DSCAM: variants seen among roughly 807,000 people sequenced by gnomAD.
DSCAM encodes the protein cell adhesion molecule DSCAM.
Under a neutral mutation model 217.7 loss-of-function variants are expected in DSCAM, and 47 were observed. The ratio of observed to expected loss-of-function variants is 0.22; its 90% CI spans 0.17 to 0.28. The LOEUF (loss-of-function observed/expected upper bound fraction) is 0.28. Ranked by LOEUF, DSCAM falls within the 10% of genes least tolerant of loss-of-function variation. The probability of loss-of-function intolerance (pLI) is 1.00; values close to 1 mark genes in which losing one functional copy is unlikely to be tolerated. For missense variants in DSCAM, 2,080 were observed against 2,618.3 expected, an observed-to-expected ratio of 0.79 and a Z score of 4.49; for synonymous variants, 1,056 against 1,015.3, an observed-to-expected ratio of 1.04 and a Z score of -0.76.
chr21:40,124,058 G>A (rs1224330922), intron 20 of DSCAM, 137 bp downstream of exon 20: 6 of 1,165,686 alleles, frequency 5.1e-6, no homozygotes, highest in Non-Finnish European at 7.4e-6. Flanking sequence ...TTTGTATGTG[G>A]AGACAGCAGG....
chr21:40,493,687 C>T (rs1381511155), intron 3 of DSCAM, among the ~76,000 whole-genome samples: 1 of 151,400 alleles, frequency 6.6e-6, no homozygotes, highest in Non-Finnish European at 1.5e-5. Context: ...CATGGTGAAA[C>T]CCTGTTTCTA....
chr21:40,724,920 C>T (rs957087784), intron 1 of DSCAM, among the ~76,000 whole-genome samples: 5 of 152,192 alleles, frequency 3.3e-5, no homozygotes, highest in African/African-American at 1.2e-4. Context: ...TAATTTCTTT[C>T]TTCATGTAAC....
At chr21:40,416,029 T>C (rs73902606) in intron 3 of DSCAM, among the ~76,000 whole-genome samples, 1,629 of 152,312 alleles carry the variant, frequency 0.011, 28 homozygotes, top group African/African-American at 0.036. Flanking sequence ...CAATCTAGAC[T>C]TCATCAGTTT....
intron 15 of DSCAM, among the ~76,000 whole-genome samples, chr21:40,168,343 A>G (rs1162838143): frequency 6.6e-6 from 1 of 152,222 alleles, no homozygotes; most frequent in African/African-American, 2.4e-5. Context: ...TACTAGGTAC[A>G]TGGTGTAGAA....
In DSCAM at chr21:40,530,588, T is replaced by C. The variant is rs546427848; in HGVS notation, c.509-161343A>G. Among the ~76,000 whole-genome samples, 131 of 152,348 alleles carry C rather than the reference T, an allele frequency of 8.6e-4. 2 individuals carry two copies. The Middle Eastern group carries it at 0.01, about 12-fold the overall frequency. On this transcript the variant is annotated intron_variant, in intron 3 of 32. Coordinates refer to ENST00000400454, the MANE Select transcript of DSCAM (RefSeq NM_001389.5). Reference sequence around the variant, plus strand: ...ACAAATAACCTAAAATAAGTTCTATTTGACATTAAAATGCTCTAAGAAAAT... The same window carrying C: ...ACAAATAACCTAAAATAAGTTCTATCTGACATTAAAATGCTCTAAGAAAAT...
Position 40,085,705 on chromosome 21 carries a change from G to T in DSCAM, c.4029C>A (p.Ser1343Arg). Residue 1343 changes from serine (S) to arginine (R), a missense_variant, in exon 23 of 33, where the codon AGC becomes AGA. This residue lies in a region of DSCAM where 1,144 missense variants were observed against 1,421.1 expected (regional missense o/e 0.81). Transcript: ENST00000400454. ...DGRRSIFSNG[S>R]FIIRTVKAED... is the part of the protein sequence containing the mutation. ...CTGCTTTCACCGTGCGAATAATGAAGCTTCCGTTGCTAAAGATGCTCCTCC... is the reference window on the plus strand; with the variant it reads ...CTGCTTTCACCGTGCGAATAATGAATCTTCCGTTGCTAAAGATGCTCCTCC... The T allele has an allele frequency of 6.3e-7, 1 of 1,587,052 alleles. No homozygotes were observed. Among genetic ancestry groups the T allele is most frequent in the Non-Finnish European group, 8.6e-7 (1 of 1,159,318 alleles).
chr21:40,405,888 T>G (rs2075275780), intron 3 of DSCAM, among the ~76,000 whole-genome samples: 1 of 152,054 alleles, frequency 6.6e-6, no homozygotes, highest in African/African-American at 2.4e-5. Flanking sequence ...TCCCAGTTAC[T>G]CAAGAGGGCA....
intron 1 of DSCAM, among the ~76,000 whole-genome samples, chr21:40,787,110 T>C (rs1255643517): frequency 6.6e-6 from 1 of 152,230 alleles, no homozygotes; most frequent in Admixed American, 6.5e-5. Flanking sequence ...GTCCATGAAA[T>C]ACAGGCTGGG....
At chr21:40,565,886 C>A (rs1239464676) in intron 3 of DSCAM, among the ~76,000 whole-genome samples, 4 of 152,188 alleles carry the variant, frequency 2.6e-5, no homozygotes, top group Non-Finnish European at 4.4e-5. Context: ...GTCATTTCCA[C>A]ACATGCAGGT....
chr21:40,501,452 A>C (rs1400656100), intron 3 of DSCAM, among the ~76,000 whole-genome samples: 3 of 152,118 alleles, frequency 2.0e-5, no homozygotes, highest in Non-Finnish European at 4.4e-5. Flanking sequence ...CTCCATTTTT[A>C]AAAATTATGC....
intron 1 of DSCAM, among the ~76,000 whole-genome samples, chr21:40,805,576 C>T (rs1423035151): frequency 6.6e-6 from 1 of 152,184 alleles, no homozygotes; most frequent in African/African-American, 2.4e-5. Context: ...CGCCATGACC[C>T]CTTGACCCCT....
intron 3 of DSCAM, among the ~76,000 whole-genome samples, chr21:40,662,086 T>G (rs2090144311): frequency 6.6e-6 from 1 of 151,700 alleles, no homozygotes; most frequent in Admixed American, 6.6e-5. Context: ...ATTACAGAGG[T>G]TACCTGAAGC....
intron 3 of DSCAM, among the ~76,000 whole-genome samples, chr21:40,382,722 T>C (rs2075039712): frequency 6.6e-6 from 1 of 152,228 alleles, no homozygotes; most frequent in African/African-American, 2.4e-5. Context: ...ATGAGAATCT[T>C]TGAGACTGTC....
intron 15 of DSCAM, among the ~76,000 whole-genome samples, chr21:40,177,220 A>T (rs998018169): frequency 6.6e-6 from 1 of 152,238 alleles, no homozygotes; most frequent in East Asian, 1.9e-4. Flanking sequence ...TTTTTGCAGA[A>T]GCAGATTAAC....
chr21:40,391,732 A>G (rs149895604), intron 3 of DSCAM, among the ~76,000 whole-genome samples: 60 of 152,304 alleles, frequency 3.9e-4, no homozygotes, highest in Admixed American at 2.9e-3. Flanking sequence ...CTCACTGCAA[A>G]TATTTAGAGA....
chr21:40,464,745 T>A (rs1335240573), intron 3 of DSCAM, among the ~76,000 whole-genome samples: 2 of 146,016 alleles, frequency 1.4e-5, no homozygotes, highest in Admixed American at 6.8e-5. Context: ...AGAACCATCT[T>A]TTTTTTTTTT....
intron 20 of DSCAM, among the ~76,000 whole-genome samples, chr21:40,121,454 G>A (rs2090032364): frequency 6.6e-6 from 1 of 151,996 alleles, no homozygotes; most frequent in African/African-American, 2.4e-5. Flanking sequence ...ATATGGAGAG[G>A]GAACTGTTTT....
intron 3 of DSCAM, among the ~76,000 whole-genome samples, chr21:40,520,562 A>G (rs1039055336): frequency 1.3e-5 from 2 of 152,108 alleles, no homozygotes; most frequent in African/African-American, 4.8e-5. Context: ...TAATCCCAGC[A>G]CTTTGGGAGG....
At chr21:40,829,348 A>T (rs956004539) in intron 1 of DSCAM, among the ~76,000 whole-genome samples, 1 of 152,214 alleles carries the variant, frequency 6.6e-6, no homozygotes, top group African/African-American at 2.4e-5. Flanking sequence ...GTCTTCCCAC[A>T]GACACAGAAA....
Sources: gnomAD v4.1 joint callset for allele counts (sites outside exome capture counted in the v4.1 genomes callset) on GRCh38, gnomAD v4.1.1 for gene constraint, gnomAD v4.1.1 regional missense constraint, MANE v1.5 for transcripts, NCBI Gene and HGNC (gene_info 2026-07-23, HGNC 2026-07-21) for gene names.